Variants in SNRNP40 observed in about 807,000 individuals in gnomAD.
The protein encoded by SNRNP40 is U5 small nuclear ribonucleoprotein 40 kDa protein.
A neutral mutation model predicts 45.8 loss-of-function variants in SNRNP40; 21 were observed. The ratio of observed to expected loss-of-function variants is 0.46; its 90% CI spans 0.32 to 0.66. The LOEUF (loss-of-function observed/expected upper bound fraction) is 0.66. Among genes scored for constraint, SNRNP40 ranks in the 30% least tolerant of loss-of-function variants. SNRNP40 has a pLI of 0.03. For synonymous variants in SNRNP40, 142 were observed against 163.8 expected, an observed-to-expected ratio of 0.87 and a Z score of 1.01; for missense variants, 344 against 439.1, an observed-to-expected ratio of 0.78 and a Z score of 1.94.
intron 1 of SNRNP40, among the ~76,000 whole-genome samples, chr1:31,294,785 T>C (rs979788288): frequency 3.3e-5 from 5 of 151,330 alleles, no homozygotes; most frequent in African/African-American, 1.2e-4. Context: ...ACTAAAAATA[T>C]ACAAAAATTA....
At chr1:31,265,758 T>G (rs1319087809) in intron 8 of SNRNP40, among the ~76,000 whole-genome samples, 1 of 152,152 alleles carries the variant, frequency 6.6e-6, no homozygotes, top group Admixed American at 6.5e-5. Context: ...GAGAATGGTG[T>G]AAACCCAGGA....
chr1:31,260,635 G>A (rs547046372), intron 9 of SNRNP40, among the ~76,000 whole-genome samples: 23 of 152,022 alleles, frequency 1.5e-4, no homozygotes, highest in African/African-American at 5.3e-4. Flanking sequence ...GCTGAGGCGG[G>A]TGGATTACCA....
rs762032443 is a variant in SNRNP40, at chr1:31,271,518, GC to G, written c.655-20del. The G allele has an allele frequency of 2.5e-6, 4 of 1,592,308 alleles. No individual in the cohort carries two copies. The highest frequency in any genetic ancestry group is 1.7e-4 in the Middle Eastern group (1 of 5,924). On this transcript the variant is annotated intron_variant, in intron 5 of 9. Transcript: ENST00000263694. ...CCCAGACCTGCAAAAACAGAAAGGT[GC>G]CCCCAGAAATCAAATTAATAAAAGC...
chr1:31,281,190 C>A (rs1646014313), intron 5 of SNRNP40, among the ~76,000 whole-genome samples, 184 bp downstream of exon 5: 1 of 152,190 alleles, frequency 6.6e-6, no homozygotes. Flanking sequence ...TTTATAAGAT[C>A]TGCAATGCAA....
intron 1 of SNRNP40, among the ~76,000 whole-genome samples, chr1:31,294,528 C>T (rs1377088346): frequency 2.0e-5 from 3 of 151,714 alleles, no homozygotes; most frequent in African/African-American, 7.3e-5. Flanking sequence ...GGCGTGATCT[C>T]GTCTCATCGC....
intron 1 of SNRNP40, among the ~76,000 whole-genome samples, chr1:31,294,574 A>G (rs1309943059): frequency 1.3e-5 from 2 of 150,978 alleles, no homozygotes; most frequent in Non-Finnish European, 3.0e-5. Context: ...ATTCTCCTGC[A>G]TCAGCCTCCC....
chr1:31,294,882 C>T (rs879174861), intron 1 of SNRNP40, among the ~76,000 whole-genome samples: 88 of 145,536 alleles, frequency 6.0e-4, no homozygotes, highest in Admixed American at 2.5e-3. Context: ...GCGGAGGTTG[C>T]GGTGCACCGA....
chr1:31,281,537 T>C, intron 4 of SNRNP40, 41 bp from the exon 5 acceptor site: 1 of 1,569,472 alleles, frequency 6.4e-7, no homozygotes, highest in Non-Finnish European at 8.7e-7. Context: ...AACATCATTC[T>C]AAGAAGCAAT....
At chr1:31,280,782 T>A (rs954735215) in intron 5 of SNRNP40, among the ~76,000 whole-genome samples, 4 of 151,840 alleles carry the variant, frequency 2.6e-5, no homozygotes, top group East Asian at 1.9e-4. Flanking sequence ...TTTTTTTTTT[T>A]ATCATTACCC....
At chr1:31,273,497 G>A (rs1322434256) in intron 5 of SNRNP40, among the ~76,000 whole-genome samples, 3 of 151,980 alleles carry the variant, frequency 2.0e-5, no homozygotes, top group Non-Finnish European at 2.9e-5. Context: ...AAAATTAGCC[G>A]GGCATGGTGG....
At chr1:31,267,469 T>A (rs1033825186) in intron 8 of SNRNP40, among the ~76,000 whole-genome samples, 44 of 152,344 alleles carry the variant, frequency 2.9e-4, no homozygotes, top group African/African-American at 9.9e-4. Context: ...TAACTCTATG[T>A]CTGCTCTAGC....
At chr1:31,284,211 G>A (rs1045881258) in intron 4 of SNRNP40, among the ~76,000 whole-genome samples, 24 of 152,320 alleles carry the variant, frequency 1.6e-4, no homozygotes, top group Non-Finnish European at 5.9e-5. Flanking sequence ...TGAGAGTGGC[G>A]GCATCTCGGC....
intron 8 of SNRNP40, among the ~76,000 whole-genome samples, chr1:31,266,978 C>T (rs951135461): frequency 6.6e-6 from 1 of 152,094 alleles, no homozygotes; most frequent in Non-Finnish European, 1.5e-5. Context: ...ATAAATGCTA[C>T]CAAAGTTTAG....
chr1:31,266,396 C>G (rs1184003473), intron 8 of SNRNP40, among the ~76,000 whole-genome samples: 2 of 152,156 alleles, frequency 1.3e-5, no homozygotes, highest in Non-Finnish European at 2.9e-5. Flanking sequence ...CCAATGAGAG[C>G]TAAACACAGG....
chr1:31,270,059 C>T (rs1027068922), intron 6 of SNRNP40, among the ~76,000 whole-genome samples: 44 of 152,228 alleles, frequency 2.9e-4, no homozygotes, highest in Non-Finnish European at 5.9e-4. Context: ...CCCACCACCA[C>T]ACCTGGCTAA....
At chr1:31,286,950 CACAT>C (rs1401730428) in intron 4 of SNRNP40, among the ~76,000 whole-genome samples, 2 of 152,194 alleles carry the variant, frequency 1.3e-5, no homozygotes, top group Non-Finnish European at 2.9e-5. Flanking sequence ...AGTACATACA[CACAT>C]ACACGCAGTA....
chr1:31,285,448 A>G (rs764999276), intron 4 of SNRNP40, among the ~76,000 whole-genome samples: 4 of 152,082 alleles, frequency 2.6e-5, no homozygotes, highest in Non-Finnish European at 4.4e-5. Context: ...CAAGTTGGCC[A>G]GGCTGGTTTC....
At chr1:31,270,944 C>T (rs1044516318) in intron 6 of SNRNP40, among the ~76,000 whole-genome samples, 11 of 152,168 alleles carry the variant, frequency 7.2e-5, no homozygotes, top group Non-Finnish European at 1.5e-4. Flanking sequence ...GACCTCTTCC[C>T]ACACCAATGC....
intron 1 of SNRNP40, 67 bp downstream of exon 1, chr1:31,296,544 C>A: frequency 6.5e-7 from 1 of 1,531,912 alleles, no homozygotes. Flanking sequence ...TCAGGGATCA[C>A]CAGATACAGC....
Sources: allele counts gnomAD v4.1 joint callset (sites outside exome capture counted in the v4.1 genomes callset), GRCh38; gene constraint gnomAD v4.1.1; transcripts MANE v1.5; gene names NCBI Gene and HGNC (gene_info 2026-07-23, HGNC 2026-07-21).